The following ATR variants were observed in gnomAD, a reference collection of about 807,000 sequenced individuals.
The protein encoded by ATR is serine/threonine-protein kinase ATR.
Under a neutral mutation model 305.3 loss-of-function variants are expected in ATR, and 142 were observed. The ratio of observed to expected loss-of-function variants is 0.47; its 90% CI spans 0.41 to 0.53. The LOEUF (loss-of-function observed/expected upper bound fraction) is 0.53, where lower values mean the gene tolerates loss of function less well. ATR is among the 20% of genes least tolerant of loss of function. The pLI is 0.00. For synonymous variants in ATR, 1,050 were observed against 1,068.1 expected (o/e 0.98, Z 0.33); for missense variants, 2,135 against 3,133.1 (o/e 0.68, Z 7.60).
At chr3:142,496,309 T>TACACATACATATATATATATATACAC (rs1559937593) in intron 34 of ATR, 52 bp downstream of exon 34, 1 of 157,880 alleles carries the variant, frequency 6.3e-6, no homozygotes, top group African/African-American at 4.7e-5. Flanking sequence ...TATATATATA[T>TACACATACATATATATATATATACAC]ATATATATAT....
rs2108333367 is a variant in ATR at position 142,496,342 on chromosome 3, A to T, written c.5898+19T>A. On this transcript the variant is annotated intron_variant, in intron 34 of 46. Coordinates refer to ENST00000350721, the MANE Select transcript of ATR (RefSeq NM_001184.4). Reference sequence around the variant, plus strand: ...TATATATATATATATATATATGATGACATTTCCCTGGCCATTACCTTGGAC... The same window carrying T: ...TATATATATATATATATATATGATGTCATTTCCCTGGCCATTACCTTGGAC... 2 of 1,153,506 alleles carry T rather than the reference A, an allele frequency of 1.7e-6. No homozygotes were observed. The highest frequency in any genetic ancestry group is 3.6e-5 in the East Asian group (1 of 27,960). The allele number at this position is 1,153,506 out of a possible 1,614,324, so 71.5% of individuals were successfully genotyped here.
chr3:142,559,695 G>A (rs973728565), intron 6 of ATR, among the ~76,000 whole-genome samples: 1 of 152,154 alleles, frequency 6.6e-6, no homozygotes, highest in Non-Finnish European at 1.5e-5. Context: ...CTTGAGCCCA[G>A]GAGTTTGAGA....
intron 21 of ATR, among the ~76,000 whole-genome samples, chr3:142,532,988 T>C (rs887664312): frequency 3.9e-5 from 6 of 152,262 alleles, no homozygotes; most frequent in African/African-American, 4.8e-5. Context: ...ATAGCTACTA[T>C]CCACATGTGG....
At chr3:142,565,733 T>TAAAAAAAAAAAAAAAAAAA (rs55690216) in intron 3 of ATR, among the ~76,000 whole-genome samples, 1 of 79,324 alleles carries the variant, frequency 1.3e-5, no homozygotes, top group Non-Finnish European at 2.3e-5. Flanking sequence ...CTGTCTTATT[T>TAAAAAAAAAAAAAAAAAAA]AAAAAAAAAA....
intron 30 of ATR, 63 bp from the exon 31 acceptor site, chr3:142,499,781 TC>T: frequency 7.3e-7 from 1 of 1,378,538 alleles, no homozygotes; most frequent in Non-Finnish European, 1.0e-6. Context: ...CAGAGATTTT[TC>T]ATTGGTTTAC....
At chr3:142,488,649 G>A (rs918019738) in intron 35 of ATR, among the ~76,000 whole-genome samples, 12 of 152,232 alleles carry the variant, frequency 7.9e-5, no homozygotes, top group Admixed American at 5.2e-4. Flanking sequence ...GTGGAAACAC[G>A]GTAAAGGGTA....
At chr3:142,486,755 A>G (rs976868343) in intron 35 of ATR, among the ~76,000 whole-genome samples, 124 of 151,918 alleles carry the variant, frequency 8.2e-4, no homozygotes, top group African/African-American at 2.8e-3. Context: ...TATCATCCTC[A>G]TACAAGAACT....
chr3:142,457,621 C>T lies in ATR; in HGVS notation c.7638G>A (p.Gln2546=). ...GTGATTACCTCATTAAAGGCTCTCG[C>T]TGATCACGCATCAGCCTCATTGTAA... is the stretch of plus-strand genomic sequence containing the variant. ...CEVTMRLMRD[Q]REPLMSVLKT... is the part of the protein sequence containing the mutation. The change falls in exon 45 of 47, where the codon CAG becomes CAA. Residue 2546 remains glutamine, a synonymous_variant. Transcript: ENST00000350721. 1.2e-6 allele frequency: 2 copies of T among 1,614,002 alleles called. No individual in the cohort carries two copies. The highest frequency in any genetic ancestry group is 2.2e-5 in the South Asian group (2 of 91,070).
chr3:142,491,117 T>C (rs370689512), intron 35 of ATR, among the ~76,000 whole-genome samples: 2 of 151,944 alleles, frequency 1.3e-5, no homozygotes, highest in African/African-American at 4.8e-5. Flanking sequence ...AAAAAAAAAA[T>C]TGTACCAATT....
chr3:142,572,261 G>C, intron 1 of ATR, among the ~76,000 whole-genome samples: 1 of 150,640 alleles, frequency 6.6e-6, no homozygotes, highest in Middle Eastern at 3.4e-3. Flanking sequence ...AGTAGAGACG[G>C]GGTTGCACCA....
rs781465061 is a variant in ATR, at chr3:142,512,293, T to C, written c.4819A>G (p.Ser1607Gly). ...TCTACCTTATTTCTGTTTGATTTGC[T>C]GTGTGGACATTTCTCAGCTTTCAGT... ...QALKAEKCPH[S>G]KSNRNKVDSM... The change falls in exon 27 of 47, where the codon AGC becomes GGC. Residue 1607 changes from serine to glycine, a missense_variant. Physicochemically the swap from Ser to Gly is moderately conservative, Grantham distance 56. This residue lies in a region of ATR where 202 missense variants were observed against 252.9 expected (regional missense o/e 0.80). Transcript: ENST00000350721. 6.2e-7 allele frequency: 1 copy of C among 1,613,274 alleles called. No individual in the cohort carries two copies. Among genetic ancestry groups the C allele is most frequent in the South Asian group, 1.1e-5 (1 of 91,042 alleles).
chr3:142,524,924 A>G (rs2033306401), intron 21 of ATR, among the ~76,000 whole-genome samples: 2 of 152,208 alleles, frequency 1.3e-5, no homozygotes, highest in Non-Finnish European at 2.9e-5. Context: ...TACTTCATTT[A>G]TATTATTTTC....
intron 42 of ATR, 104 bp downstream of exon 42, chr3:142,461,836 A>C (rs2071028237): frequency 7.9e-7 from 1 of 1,264,158 alleles, no homozygotes; most frequent in Admixed American, 1.8e-5. Context: ...ATTTCACTAT[A>C]GCTTATATCA....
At chr3:142,453,036 C>G (rs2070827066) in intron 46 of ATR, 92 bp downstream of exon 46, 1 of 1,581,172 alleles carries the variant, frequency 6.3e-7, no homozygotes. Flanking sequence ...CCAAGCAGTT[C>G]TCATGCATAG....
At position 142,496,622 on chromosome 3, in the gene ATR, G is replaced by A; in HGVS notation, c.5739-102C>T. 5.5e-6 allele frequency: 7 copies of A among 1,275,710 alleles called. No homozygotes were observed. In the South Asian group the frequency reaches 8.5e-5, roughly 16 times the overall value. The allele number at this position is 1,275,710 out of a possible 1,614,324, so 79.0% of individuals were successfully genotyped here. A position where few individuals can be genotyped will look rare whatever the true frequency, so the allele number is the denominator to read the frequency against. On this transcript the variant is annotated intron_variant, in intron 33 of 46. Transcript: ENST00000350721. The stretch of plus-strand genomic sequence containing the variant: ...ATCTAGGTCATAAACTTTGCAAGTA[G>A]TTCCAATGTTTTGAAAGCCTCTGTT...
intron 7 of ATR, 117 bp downstream of exon 7, chr3:142,559,134 A>C: frequency 9.0e-7 from 1 of 1,114,812 alleles, no homozygotes; most frequent in Non-Finnish European, 1.3e-6. Flanking sequence ...AACTGAAATC[A>C]GGAAAAAACT....
intron 13 of ATR, among the ~76,000 whole-genome samples, chr3:142,551,628 A>G (rs1020578412): frequency 8.1e-4 from 124 of 152,178 alleles, no homozygotes; most frequent in African/African-American, 2.8e-3. Context: ...CATATGCAGA[A>G]AATTAAAACT....
In ATR at chr3:142,559,263, T is replaced by C; in HGVS notation, c.1720A>G (p.Ile574Val). ...AATTTGTACTCACCTTGCATATAAA[T>C]CAAAGCATCATAAATTTTCACCACC... ...DKVVKIYDAL[I>V]YMQVNSSFED... is the part of the protein sequence containing the mutation. The change falls in exon 7 of 47, where the codon ATT (isoleucine) becomes GTT (valine). Residue 574 changes from isoleucine (I) to valine (V), a missense_variant. Physicochemically the swap from Ile to Val is conservative, Grantham distance 29. Coordinates refer to ENST00000350721, the MANE Select transcript of ATR (RefSeq NM_001184.4). The C allele has an allele frequency of 1.2e-6, 2 of 1,613,688 alleles. No homozygotes were observed. The highest frequency in any genetic ancestry group is 1.7e-6 in the Non-Finnish European group (2 of 1,179,748).
rs148907478 is a variant in ATR at position 142,556,317 on chromosome 3, A to T, written c.2078+66T>A. 6.9e-4 allele frequency: 1,060 copies of T among 1,545,166 alleles called. 5 individuals carry two copies. In the African/African-American group the frequency reaches 0.013, roughly 19 times the overall value. ...TTCAACAATAAACACAACCCTGCATACATAGCCAGACAATTATGATCTTTC... is the reference window on the plus strand; with the variant it reads ...TTCAACAATAAACACAACCCTGCATTCATAGCCAGACAATTATGATCTTTC... On this transcript the variant is annotated intron_variant, in intron 9 of 46. Transcript: ENST00000350721.
Sources: gnomAD v4.1 joint callset for allele counts (sites outside exome capture counted in the v4.1 genomes callset) on GRCh38, gnomAD v4.1.1 for gene constraint, gnomAD v4.1.1 regional missense constraint, MANE v1.5 for transcripts, NCBI Gene and HGNC (gene_info 2026-07-23, HGNC 2026-07-21) for gene names.